RNASET2: variants seen among roughly 807,000 people sequenced by gnomAD.
RNASET2 encodes the protein ribonuclease 6.
A neutral mutation model predicts 33.9 loss-of-function variants in RNASET2; 28 were observed. The ratio of observed to expected loss-of-function variants is 0.83; its 90% confidence interval spans 0.61 to 1.13. The LOEUF (loss-of-function observed/expected upper bound fraction) is 1.13, where lower values mean the gene tolerates loss of function less well. Ranked by LOEUF, RNASET2 falls within the 50% of genes most tolerant of loss-of-function variation. The pLI, the probability that RNASET2 is intolerant of heterozygous loss-of-function variation, is 0.00. For synonymous variants in RNASET2, 123 were observed against 121.0 expected, an observed-to-expected ratio of 1.02 and a Z score of -0.11; for missense variants, 330 against 319.9, an observed-to-expected ratio of 1.03 and a Z score of -0.24.
At position 166,922,919 on chromosome 6, in the gene RNASET2, C is replaced by G. The variant is rs1313495067; in HGVS notation, c.*6669G>C. On this transcript the variant is annotated 3_prime_UTR_variant, in exon 9 of 9. Coordinates refer to ENST00000508775, the MANE Select transcript of RNASET2 (RefSeq NM_003730.6). ...TTTGCTGGTAAAAATGGGCCACTGT[C>G]ACTCTGCAGACTTTTCTCAGTGTTA... is the stretch of plus-strand genomic sequence containing the variant. Among the ~76,000 whole-genome samples the G allele has an allele frequency of 6.6e-6, 1 of 152,198 alleles. No individual in the cohort carries two copies. Among genetic ancestry groups the G allele is most frequent in the Non-Finnish European group, 1.5e-5 (1 of 68,038 alleles).
At position 166,931,031 on chromosome 6, in the gene RNASET2, A is replaced by C. The variant is rs1562493216; in HGVS notation, c.567+13T>G. 6.3e-7 allele frequency: 1 copy of C among 1,593,088 alleles called. No individual in the cohort carries two copies. ...CTTGAGAAAAAAAGGAAGACAAAAC[A>C]TAACTGTCTAACCTGGCTTGGTGGA... On this transcript the variant is annotated intron_variant, in intron 8 of 8. Transcript: ENST00000508775.
intron 1 of RNASET2, among the ~76,000 whole-genome samples, chr6:166,955,273 GCACACACGACACACACGCACAGA>G (rs1562506993): frequency 0.032 from 2,727 of 84,566 alleles, 156 homozygotes; most frequent in East Asian, 0.091. Flanking sequence ...ACACACACGC[GCACACACGACACACACGCACAGA>G]CGCGCACACA....
rs951655247 is a variant in RNASET2 at position 166,928,526 on chromosome 6, C to T, written c.*1062G>A. On this transcript the variant is annotated 3_prime_UTR_variant, in exon 9 of 9. Coordinates refer to ENST00000508775, the MANE Select transcript of RNASET2 (RefSeq NM_003730.6). ...TTCACGTGTTGAACACAATGCCTGG[C>T]ACATAGTAAGTTCTATTTTAAATGT... Among the ~76,000 whole-genome samples the T allele has an allele frequency of 4.0e-5, 6 of 150,194 alleles. No homozygotes were observed. The highest frequency in any genetic ancestry group is 1.2e-4 in the African/African-American group (5 of 40,836).
At position 166,928,847 on chromosome 6, in the gene RNASET2, G is replaced by A. The variant is rs548308686; in HGVS notation, c.*741C>T. ...GGAACACACAATGTAGGCACATTTC[G>A]CTGGGGGCTCCATGTACATTTCTAA... On this transcript the variant is annotated 3_prime_UTR_variant, in exon 9 of 9. Transcript: ENST00000508775. Among the ~76,000 whole-genome samples the A allele has an allele frequency of 6.6e-6, 1 of 152,204 alleles. No homozygotes were observed. The highest frequency in any genetic ancestry group is 6.5e-5 in the Admixed American group (1 of 15,290).
chr6:166,952,625 C>T, intron 1 of RNASET2, 77 bp from the exon 2 acceptor site: 1 of 1,103,372 alleles, frequency 9.1e-7, no homozygotes, highest in Non-Finnish European at 1.4e-6. Flanking sequence ...CCATCCATCC[C>T]TTCAATCATT....
At chr6:166,952,776 G>A (rs568685010) in intron 1 of RNASET2, 19 of 514,756 alleles carry the variant, frequency 3.7e-5, no homozygotes, top group South Asian at 3.6e-4. Context: ...AACATGAATA[G>A]GATAAGGGGA....
At chr6:166,955,185 A>ACACACGCACACACACGCGCACACG (rs1554269950) in intron 1 of RNASET2, among the ~76,000 whole-genome samples, 1 of 113,408 alleles carries the variant, frequency 8.8e-6, no homozygotes, top group African/African-American at 4.1e-5. Flanking sequence ...CCACACACAC[A>ACACACGCACACACACGCGCACACG]CACGCACACA....
chr6:166,933,172 T>C lies in RNASET2; in HGVS notation c.492+919A>G, dbSNP rs776741922. On this transcript the variant is annotated intron_variant, in intron 7 of 8. Coordinates refer to ENST00000508775, the MANE Select transcript of RNASET2 (RefSeq NM_003730.6). The surrounding 1 kb of genome is among the most constrained non-coding windows in gnomAD (Gnocchi z 4.1). Reference sequence around the variant, plus strand: ...ACGAAAACTATCTCAAAGAATCTGATACCTTTCTCTAAGGCAAGAGTCTGC... The same window carrying C: ...ACGAAAACTATCTCAAAGAATCTGACACCTTTCTCTAAGGCAAGAGTCTGC... 3.0e-4 allele frequency: 46 copies of C among 152,204 alleles called. No individual in the cohort carries two copies. The highest frequency in any genetic ancestry group is 4.8e-4 in the Non-Finnish European group (33 of 68,044). The allele number at this position is 152,204 out of a possible 1,614,324, so 9.4% of individuals were successfully genotyped here.
rs1345559332 is a variant in RNASET2, at chr6:166,929,479, AG to A, written c.*108del. ...CACAACATCCAATTCACAGGCATGGAGGGGAAACAGCAAAATAAACAGACTT... is the reference window on the plus strand; with the variant it reads ...CACAACATCCAATTCACAGGCATGGAGGGAAACAGCAAAATAAACAGACTT... On this transcript the variant is annotated 3_prime_UTR_variant, in exon 9 of 9. Transcript: ENST00000508775. The A allele has an allele frequency of 2.1e-5, 24 of 1,145,022 alleles. No homozygotes were observed. Among genetic ancestry groups the A allele is most frequent in the Non-Finnish European group, 3.2e-5 (24 of 760,558 alleles). 70.9% of individuals were successfully genotyped at this position (1,145,022 alleles called of 1,614,324 possible).
At chr6:166,947,995 A>G (rs1027477961) in intron 3 of RNASET2, among the ~76,000 whole-genome samples, 3 of 152,210 alleles carry the variant, frequency 2.0e-5, no homozygotes, top group African/African-American at 7.2e-5. Flanking sequence ...GAACAAAATG[A>G]GAAAATTAAA....
chr6:166,922,187 T>C lies in RNASET2; in HGVS notation c.*7401A>G, dbSNP rs1336035577. On this transcript the variant is annotated 3_prime_UTR_variant, in exon 9 of 9. Transcript: ENST00000508775. ...AACTGCTAAGCATATATGTTGATCA[T>C]GTTTACATGTTTATGTTGGGGACAT... 2.0e-5 allele frequency among the ~76,000 whole-genome samples: 3 copies of C among 152,218 alleles called. No homozygotes were observed. Among genetic ancestry groups the C allele is most frequent in the Admixed American group, 2.0e-4 (3 of 15,282 alleles).
Position 166,933,819 on chromosome 6 carries a change from C to A in RNASET2, c.492+272G>T. On this transcript the variant is annotated intron_variant, in intron 7 of 8. Coordinates refer to ENST00000508775, the MANE Select transcript of RNASET2 (RefSeq NM_003730.6). This position sits in a 1 kb window ranked among gnomAD's most constrained non-coding sequence, Gnocchi z 4.1. ...AATGTGACTCTTGAAACTGCAGATT[C>A]CACCTGCTCTGCCGGACCCTGGAGC... 1.9e-6 allele frequency: 1 copy of A among 527,696 alleles called. No homozygotes were observed. Among genetic ancestry groups the A allele is most frequent in the Non-Finnish European group, 3.4e-6 (1 of 296,534 alleles). 32.7% of individuals were successfully genotyped at this position (527,696 alleles called of 1,614,324 possible). A position where few individuals can be genotyped will look rare whatever the true frequency, so the allele number is the denominator to read the frequency against.
chr6:166,948,419 A>G, intron 3 of RNASET2, 151 bp downstream of exon 3: 1 of 712,084 alleles, frequency 1.4e-6, no homozygotes, highest in Non-Finnish European at 2.6e-6. Flanking sequence ...GTTCTGCTAG[A>G]AAGACTAAAG....
rs1290223857 is a variant in RNASET2 at position 166,923,048 on chromosome 6, A to G, written c.*6540T>C. On this transcript the variant is annotated 3_prime_UTR_variant, in exon 9 of 9. Coordinates refer to ENST00000508775, the MANE Select transcript of RNASET2 (RefSeq NM_003730.6). ...TCTGAAATGTGAAAAGCACGTCAGC[A>G]TAAAGTCCATACAGCATTTAATGGA... 6.6e-6 allele frequency among the ~76,000 whole-genome samples: 1 copy of G among 152,242 alleles called. No individual in the cohort carries two copies. Among genetic ancestry groups the G allele is most frequent in the Non-Finnish European group, 1.5e-5 (1 of 68,046 alleles).
chr6:166,938,848 G>T, intron 6 of RNASET2, 47 bp downstream of exon 6: 2 of 1,368,184 alleles, frequency 1.5e-6, no homozygotes, highest in Non-Finnish European at 2.1e-6. Context: ...TTGGGCGACA[G>T]CAGAGATCCC....
Position 166,925,090 on chromosome 6 carries a change from G to A in RNASET2, c.*4498C>T, listed in dbSNP as rs778477831. ...CAGTCATCTAGGCATTCTCCCTGCC[G>A]TCTAGCCCAAAACCGGAACAGCACA... On this transcript the variant is annotated 3_prime_UTR_variant, in exon 9 of 9. Transcript: ENST00000508775. Among the ~76,000 whole-genome samples the A allele has an allele frequency of 8.7e-5, 13 of 150,248 alleles. No homozygotes were observed. The highest frequency in any genetic ancestry group is 2.5e-4 in the African/African-American group (10 of 40,664).
chr6:166,951,127 C>T (rs948150327), intron 2 of RNASET2, among the ~76,000 whole-genome samples: 1 of 152,202 alleles, frequency 6.6e-6, no homozygotes, highest in Non-Finnish European at 1.5e-5. Context: ...ACGTGAGTCA[C>T]GTGTCCACTG....
Position 166,923,637 on chromosome 6 carries a change from CA to C in RNASET2, c.*5950del, listed in dbSNP as rs1778265541. ...CAGAAAAAAAAAATAGAATTCTTATCAGAAAAAAAATGACATAAAACTGCAT... is the reference window on the plus strand; with the variant it reads ...CAGAAAAAAAAAATAGAATTCTTATCGAAAAAAAATGACATAAAACTGCAT... On this transcript the variant is annotated 3_prime_UTR_variant, in exon 9 of 9. Coordinates refer to ENST00000508775, the MANE Select transcript of RNASET2 (RefSeq NM_003730.6). 6.7e-6 allele frequency among the ~76,000 whole-genome samples: 1 copy of C among 149,492 alleles called. No homozygotes were observed. Among genetic ancestry groups the C allele is most frequent in the Admixed American group, 6.6e-5 (1 of 15,100 alleles).
intron 1 of RNASET2, chr6:166,952,774 T>G (rs547204832): frequency 3.8e-6 from 2 of 521,840 alleles, no homozygotes; most frequent in Non-Finnish European, 7.1e-6. Flanking sequence ...AGAACATGAA[T>G]AGGATAAGGG....
Sources: gnomAD v4.1 joint callset for allele counts (sites outside exome capture counted in the v4.1 genomes callset) on GRCh38, gnomAD v4.1.1 for gene constraint, Gnocchi (gnomAD v3.1) non-coding constraint, MANE v1.5 for transcripts, NCBI Gene and HGNC (gene_info 2026-07-23, HGNC 2026-07-21) for gene names.